Variants in CDH4 observed in about 807,000 individuals in gnomAD.
The protein encoded by CDH4 is cadherin-4.
A neutral mutation model predicts 86.0 loss-of-function variants in CDH4; 33 were observed. The observed-to-expected ratio is 0.38, with a 90% CI of 0.29 to 0.51. CDH4 has a LOEUF of 0.51. CDH4 is among the 20% of genes least tolerant of loss of function. The probability of loss-of-function intolerance (pLI) is 0.86; values close to 1 mark genes in which losing one functional copy is unlikely to be tolerated. For synonymous variants in CDH4, 555 were observed against 549.4 expected, an observed-to-expected ratio of 1.01 and a Z score of -0.14; for missense variants, 1,114 against 1,307.4, an observed-to-expected ratio of 0.85 and a Z score of 2.28.
intron 13 of CDH4, among the ~76,000 whole-genome samples, chr20:61,932,084 G>A (rs1477408229): frequency 2.0e-5 from 3 of 152,102 alleles, no homozygotes; most frequent in Non-Finnish European, 2.9e-5. Context: ...CAATATGGGG[G>A]AGTCCATCTC....
intron 2 of CDH4, among the ~76,000 whole-genome samples, chr20:61,585,991 ATGATGATGATGGTGATGG>A (rs2086469005): frequency 7.2e-6 from 1 of 139,330 alleles, no homozygotes; most frequent in Non-Finnish European, 1.6e-5. Flanking sequence ...GATGATGGTG[ATGATGATGATGGTGATGG>A]TGATTGTGAT....
Position 61,709,495 on chromosome 20 carries a change from C to T in CDH4, c.170-34068C>T, listed in dbSNP as rs895615829. On this transcript the variant is annotated intron_variant, in intron 2 of 15. Coordinates refer to ENST00000614565, the MANE Select transcript of CDH4 (RefSeq NM_001794.5). This position sits in a 1 kb window ranked among gnomAD's most constrained non-coding sequence, Gnocchi z 4.8. The stretch of plus-strand genomic sequence containing the variant: ...TTCACCATGTTGGCCAGGCTGGTCT[C>T]GAACCCCTGGCCTCAAGTCATCCGA... 6.6e-6 allele frequency among the ~76,000 whole-genome samples: 1 copy of T among 152,020 alleles called. No homozygotes were observed. The highest frequency in any genetic ancestry group is 2.4e-5 in the African/African-American group (1 of 41,404).
At chr20:61,821,894 G>A (rs544215719) in intron 4 of CDH4, among the ~76,000 whole-genome samples, 44 of 152,390 alleles carry the variant, frequency 2.9e-4, no homozygotes, top group Non-Finnish European at 6.2e-4. Context: ...TGGTTCTCCA[G>A]CCAGGTGGGC....
At chr20:61,706,755 G>T (rs577920594) in intron 2 of CDH4, among the ~76,000 whole-genome samples, 1 of 152,340 alleles carries the variant, frequency 6.6e-6, no homozygotes, top group African/African-American at 2.4e-5. Context: ...AACAGTGGTT[G>T]GGAATCTCAC....
chr20:61,285,261 C>G (rs1401630614), intron 2 of CDH4, among the ~76,000 whole-genome samples: 2 of 152,202 alleles, frequency 1.3e-5, no homozygotes, highest in Non-Finnish European at 2.9e-5. Flanking sequence ...GTCAAGGTTA[C>G]GAAGCCACGA....
At chr20:61,857,549 G>A (rs1983073317) in intron 6 of CDH4, among the ~76,000 whole-genome samples, 1 of 152,278 alleles carries the variant, frequency 6.6e-6, no homozygotes, top group Non-Finnish European at 1.5e-5. Flanking sequence ...AGGTGACTAG[G>A]GGCCCCCCAT....
intron 2 of CDH4, chr20:61,739,055 C>T (rs2145936525): frequency 6.6e-6 from 1 of 152,442 alleles, no homozygotes; most frequent in Non-Finnish European, 1.5e-5. Flanking sequence ...GAAAAGTTTT[C>T]TGGGAATCCA....
chr20:61,375,933 G>T (rs1051281609), intron 2 of CDH4, among the ~76,000 whole-genome samples: 2 of 37,260 alleles, frequency 5.4e-5, no homozygotes, highest in Non-Finnish European at 1.1e-4. Flanking sequence ...TGCTGGTGAT[G>T]ATGGTGGTGC....
intron 2 of CDH4, among the ~76,000 whole-genome samples, chr20:61,410,313 G>A (rs532276053): frequency 3.8e-4 from 57 of 151,818 alleles, no homozygotes; most frequent in African/African-American, 1.1e-3. Flanking sequence ...CATTCCTCCC[G>A]TTAGTCTCTC....
At chr20:61,720,370 G>A (rs113982964) in intron 2 of CDH4, among the ~76,000 whole-genome samples, 2,336 of 152,054 alleles carry the variant, frequency 0.015, 52 homozygotes, top group African/African-American at 0.053. Flanking sequence ...CAGGGGACAC[G>A]TGCAGGGGTG....
intron 4 of CDH4, among the ~76,000 whole-genome samples, chr20:61,832,269 C>T (rs1417668175): frequency 6.6e-6 from 1 of 152,216 alleles, no homozygotes; most frequent in East Asian, 1.9e-4. Flanking sequence ...GGCTTGTGAG[C>T]TGTGTGATCT....
In CDH4 at chr20:61,524,735, G is replaced by A. The variant is rs183513879; in HGVS notation, c.170-218828G>A. Among the ~76,000 whole-genome samples, 38 of 152,156 alleles carry A rather than the reference G, an allele frequency of 2.5e-4. No individual in the cohort carries two copies. The East Asian group carries it at 4.6e-3, about 19-fold the overall frequency. Reference sequence around the variant, plus strand: ...CCTGAGCTCAAGTGCTGCCCACCTCGGCCTCCCAAAGTTCTGGGATTACAG... The same window carrying A: ...CCTGAGCTCAAGTGCTGCCCACCTCAGCCTCCCAAAGTTCTGGGATTACAG... On this transcript the variant is annotated intron_variant, in intron 2 of 15. Coordinates refer to ENST00000614565, the MANE Select transcript of CDH4 (RefSeq NM_001794.5).
At chr20:61,353,997 G>C (rs2084731600) in intron 2 of CDH4, among the ~76,000 whole-genome samples, 1 of 151,956 alleles carries the variant, frequency 6.6e-6, no homozygotes, top group South Asian at 2.1e-4. Flanking sequence ...GTAGGTGTGA[G>C]GAATCGATAA....
chr20:61,730,446 T>A (rs551375825), intron 2 of CDH4, among the ~76,000 whole-genome samples: 1 of 152,212 alleles, frequency 6.6e-6, no homozygotes, highest in Non-Finnish European at 1.5e-5. Context: ...GTTAGCAACA[T>A]GTCCTTAATG....
At chr20:61,930,393 C>CG (rs1555861694) in intron 13 of CDH4, among the ~76,000 whole-genome samples, 190 of 152,120 alleles carry the variant, frequency 1.2e-3, no homozygotes, top group African/African-American at 3.3e-3. Flanking sequence ...TGAGGGCTGG[C>CG]GGGGGGGCGG....
intron 2 of CDH4, among the ~76,000 whole-genome samples, chr20:61,465,128 G>A (rs1314311787): frequency 6.6e-6 from 1 of 152,198 alleles, no homozygotes; most frequent in Non-Finnish European, 1.5e-5. Flanking sequence ...CAGAATGCTG[G>A]AAGGGCAAGG....
intron 2 of CDH4, among the ~76,000 whole-genome samples, chr20:61,494,838 G>T (rs2039681254): frequency 6.6e-6 from 1 of 152,264 alleles, no homozygotes; most frequent in South Asian, 2.1e-4. Context: ...AGCATCTGAG[G>T]CTGTGATTGA....
In CDH4 at chr20:61,501,920, A is replaced by G. The variant is rs937107849; in HGVS notation, c.170-241643A>G. On this transcript the variant is annotated intron_variant, in intron 2 of 15. Transcript: ENST00000614565. The surrounding 1 kb of genome is among the most constrained non-coding windows in gnomAD (Gnocchi z 4.2). Reference sequence around the variant, plus strand: ...TCCACTCCCCCAGCTCCTCTGAGGAATGCCTGAGTGAGGACCCCGTGTAAA... The same window carrying G: ...TCCACTCCCCCAGCTCCTCTGAGGAGTGCCTGAGTGAGGACCCCGTGTAAA... 2.6e-5 allele frequency among the ~76,000 whole-genome samples: 4 copies of G among 152,182 alleles called. No homozygotes were observed. Among genetic ancestry groups the G allele is most frequent in the African/African-American group, 9.7e-5 (4 of 41,446 alleles).
intron 2 of CDH4, among the ~76,000 whole-genome samples, chr20:61,272,423 C>T (rs1229885268): frequency 6.6e-6 from 1 of 152,218 alleles, no homozygotes; most frequent in Non-Finnish European, 1.5e-5. Context: ...TTGAAAGGTG[C>T]TTGTTTTGTC....
Sources: allele counts gnomAD v4.1 joint callset (sites outside exome capture counted in the v4.1 genomes callset), GRCh38; gene constraint gnomAD v4.1.1; non-coding constraint Gnocchi (gnomAD v3.1); transcripts MANE v1.5; gene names NCBI Gene and HGNC (gene_info 2026-07-23, HGNC 2026-07-21).